The following PRRG3 variants were observed in gnomAD, a reference collection of about 807,000 sequenced individuals.
PRRG3 encodes transmembrane gamma-carboxyglutamic acid protein 3.
Under a neutral mutation model 15.8 loss-of-function variants are expected in PRRG3, and 21 were observed. The observed-to-expected ratio is 1.33, with a 90% CI of 0.94 to 1.92. The LOEUF (loss-of-function observed/expected upper bound fraction) is 1.92. PRRG3 is among the 40% of genes most tolerant of loss of function. PRRG3 has a pLI of 0.00. For synonymous variants in PRRG3, 125 were observed against 84.1 expected (o/e 1.49, Z -2.66); for missense variants, 251 against 200.2 (o/e 1.25, Z -1.53).
intron 2 of PRRG3, 46 bp downstream of exon 2, chrX:151,698,867 G>C (rs200767586): frequency 1.9e-4 from 214 of 1,145,572 alleles, no homozygotes; most frequent in Non-Finnish European, 2.5e-4. Context: ...GCCATGCCTA[G>C]GGGTTCATGA....
At chrX:151,696,726 A>G (rs2014766317) in intron 1 of PRRG3, among the ~76,000 whole-genome samples, 2 of 110,648 alleles carry the variant, frequency 1.8e-5, no homozygotes, top group Non-Finnish European at 3.8e-5. Context: ...GAGGCATACT[A>G]TATCCACACC....
In PRRG3 at chrX:151,705,274, C is replaced by G. The variant is rs923607821; in HGVS notation, c.*4241C>G. 2.9e-6 allele frequency: 1 copy of G among 341,561 alleles called. No homozygotes were observed. Among genetic ancestry groups the G allele is most frequent in the Non-Finnish European group, 5.9e-6 (1 of 169,885 alleles). The allele number at this position is 341,561 out of a possible 1,213,427, so 28.1% of individuals were successfully genotyped here. On this transcript the variant is annotated 3_prime_UTR_variant, in exon 4 of 4. Coordinates refer to ENST00000674457, the MANE Select transcript of PRRG3 (RefSeq NM_001372163.1). ...TTCTAAATATTCTGTAAAGCAGATG[C>G]TTCGCTGTCAGACTGGCCGCTCCAT...
Position 151,700,545 on chromosome X carries a change from G to C in PRRG3, c.208G>C (p.Val70Leu). The C allele has an allele frequency of 1.7e-6, 2 of 1,206,365 alleles. No homozygotes were observed. The highest frequency in any genetic ancestry group is 1.1e-6 in the Non-Finnish European group (1 of 891,861). Residue 70 changes from valine (V) to leucine (L), a missense_variant, in exon 4 of 4, where the codon GTC (valine) becomes CTC (leucine). Transcript: ENST00000674457. ...WKGYPNAVYS[V>L]RDPSQSSDAM... is the part of the protein sequence containing the mutation. ...AGGGTACCCAAATGCAGTCTACTCTGTCCGAGACCCCTCGCAGAGCTCAGA... is the reference window on the plus strand; with the variant it reads ...AGGGTACCCAAATGCAGTCTACTCTCTCCGAGACCCCTCGCAGAGCTCAGA...
At position 151,701,017 on chromosome X, in the gene PRRG3, C is replaced by G. The variant is rs1458417153; in HGVS notation, c.680C>G (p.Pro227Arg). ...PKYEEIVAAN[P>R]GADK ...TACGAGGAGATAGTGGCCGCCAACCCTGGCGCTGACAAGTAGTGGGACGTT... is the reference window on the plus strand; with the variant it reads ...TACGAGGAGATAGTGGCCGCCAACCGTGGCGCTGACAAGTAGTGGGACGTT... The change falls in exon 4 of 4, where the codon CCT (proline) becomes CGT (arginine). Residue 227 changes from proline (P) to arginine (R), a missense_variant. Coordinates refer to ENST00000674457, the MANE Select transcript of PRRG3 (RefSeq NM_001372163.1). 8.7e-7 allele frequency: 1 copy of G among 1,150,197 alleles called. No homozygotes were observed. The highest frequency in any genetic ancestry group is 1.2e-6 in the Non-Finnish European group (1 of 864,915). 94.8% of individuals were successfully genotyped at this position (1,150,197 alleles called of 1,213,427 possible).
chrX:151,700,422 G>A (rs974916306), intron 3 of PRRG3, 84 bp from the exon 4 acceptor site: 8 of 1,122,948 alleles, frequency 7.1e-6, no homozygotes, highest in Non-Finnish European at 9.5e-6. Context: ...AGATGGGGAA[G>A]GGTAGGAAGC....
chrX:151,697,946 C>A (rs1015962369), intron 1 of PRRG3, among the ~76,000 whole-genome samples: 4 of 110,429 alleles, frequency 3.6e-5, no homozygotes, highest in African/African-American at 1.3e-4. Flanking sequence ...TTGTAGTTAG[C>A]GTCTCAGTGT....
chrX:151,700,071 G>A lies in PRRG3; in HGVS notation c.83G>A (p.Arg28His), dbSNP rs756322498. The change falls in exon 3 of 4, where the codon CGC (arginine) becomes CAC (histidine). Residue 28 changes from arginine (R) to histidine (H), a missense_variant. Coordinates refer to ENST00000674457, the MANE Select transcript of PRRG3 (RefSeq NM_001372163.1). ...PRANEFLEEL[R>H]QGTIERECME... The stretch of plus-strand genomic sequence containing the variant: ...GCCAATGAGTTCCTGGAGGAGCTGC[G>A]CCAGGGCACCATCGAGCGAGAGTGC... The A allele has an allele frequency of 3.2e-5, 39 of 1,210,193 alleles. No homozygotes were observed. In the Admixed American group the frequency reaches 3.9e-4, roughly 12 times the overall value.
Position 151,704,771 on chromosome X carries a change from C to T in PRRG3, c.*3738C>T, listed in dbSNP as rs3761539. 27,759 of 107,948 alleles carry T rather than the reference C, an allele frequency of 0.26. 3,040 individuals carry two copies. Among genetic ancestry groups the T allele is most frequent in the South Asian group, 0.57 (1,341 of 2,357 alleles). 8.9% of individuals were successfully genotyped at this position (107,948 alleles called of 1,213,427 possible). A position where few individuals can be genotyped will look rare whatever the true frequency, so the allele number is the denominator to read the frequency against. On this transcript the variant is annotated 3_prime_UTR_variant, in exon 4 of 4. Transcript: ENST00000674457. ...TTCATCGATTCCGAAACAAGCACAGCCCCCCACCCCCCGCCACGGAACTCT... is the reference window on the plus strand; with the variant it reads ...TTCATCGATTCCGAAACAAGCACAGTCCCCCACCCCCCGCCACGGAACTCT...
intron 3 of PRRG3, 128 bp from the exon 4 acceptor site, chrX:151,700,378 C>A (rs1409309380): frequency 3.5e-6 from 4 of 1,134,014 alleles, no homozygotes; most frequent in Non-Finnish European, 4.7e-6. Context: ...TTGGTACATT[C>A]TGCTGCCTCT....
At chrX:151,697,238 C>T (rs767885941) in intron 1 of PRRG3, among the ~76,000 whole-genome samples, 2 of 108,907 alleles carry the variant, frequency 1.8e-5, no homozygotes, top group East Asian at 5.9e-4. Context: ...CAGCTCACTT[C>T]AATCTCCGCC....
At chrX:151,698,581 G>A in intron 1 of PRRG3, 1 of 335,796 alleles carries the variant, frequency 3.0e-6, no homozygotes, top group Middle Eastern at 7.8e-4. Flanking sequence ...CTGGGCCTGG[G>A]GAGGTCTCTG....
Position 151,705,222 on chromosome X carries a change from A to T in PRRG3, c.*4189A>T, listed in dbSNP as rs1014628969. On this transcript the variant is annotated 3_prime_UTR_variant, in exon 4 of 4. Transcript: ENST00000674457. ...AACATAGTTTGTGAACTAGACTGCA[A>T]TTTAAACTAATACACATGATGTATC... The T allele has an allele frequency of 1.8e-5, 6 of 330,832 alleles. No homozygotes were observed. The highest frequency in any genetic ancestry group is 1.8e-5 in the Non-Finnish European group (3 of 163,750). 27.3% of individuals were successfully genotyped at this position (330,832 alleles called of 1,213,427 possible).
At chrX:151,697,114 TCCTCCCTC>T (rs1266192465) in intron 1 of PRRG3, among the ~76,000 whole-genome samples, 1 of 78,182 alleles carries the variant, frequency 1.3e-5, no homozygotes, top group Non-Finnish European at 2.4e-5. Flanking sequence ...CTCCCTTCCT[TCCTCCCTC>T]CCTCCCTCTC....
Position 151,700,035 on chromosome X carries a change from G to T in PRRG3, c.47G>T (p.Arg16Leu), listed in dbSNP as rs1315794530. 3.3e-6 allele frequency: 4 copies of T among 1,210,088 alleles called. No homozygotes were observed. The highest frequency in any genetic ancestry group is 4.5e-6 in the Non-Finnish European group (4 of 895,068). The change falls in exon 3 of 4, where the codon CGA becomes CTA. Residue 16 changes from arginine (R) to leucine (L), a missense_variant. Arg to Leu is a moderately radical substitution (Grantham distance 102). Transcript: ENST00000674457. ...AAGGATGCCCATTCGGTCCTGAAAC[G>T]ATTCCCTCGTGCCAATGAGTTCCTG... ...EAKDAHSVLKRFPRANEFLEE... is the reference protein window; with the variant it reads ...EAKDAHSVLKLFPRANEFLEE...
rs1222822783 is a variant in PRRG3, at chrX:151,700,609, T to C, written c.272T>C (p.Leu91Pro). 1 of 1,209,730 alleles carries C rather than the reference T, an allele frequency of 8.3e-7. No homozygotes were observed. Among genetic ancestry groups the C allele is most frequent in the African/African-American group, 1.8e-5 (1 of 57,035 alleles). ...GTGGTACCCCTTCTGGGGGTGGCACTGCTGATTGTCATCGCCTTGTTCATC... is the reference window on the plus strand; with the variant it reads ...GTGGTACCCCTTCTGGGGGTGGCACCGCTGATTGTCATCGCCTTGTTCATC... ...YVVVPLLGVALLIVIALFIIW... is the reference protein window; with the variant it reads ...YVVVPLLGVAPLIVIALFIIW... The change falls in exon 4 of 4, where the codon CTG becomes CCG. Residue 91 changes from leucine to proline, a missense_variant. Coordinates refer to ENST00000674457, the MANE Select transcript of PRRG3 (RefSeq NM_001372163.1).
At chrX:151,698,944 C>T (rs2014814055) in intron 2 of PRRG3, 123 bp downstream of exon 2, 1 of 606,696 alleles carries the variant, frequency 1.6e-6, no homozygotes, top group Non-Finnish European at 2.6e-6. Flanking sequence ...AGCCATTTTC[C>T]AAATGGCTGA....
Position 151,700,548 on chromosome X carries a change from C to A in PRRG3, c.211C>A (p.Arg71=), listed in dbSNP as rs202204444. The A allele has an allele frequency of 8.3e-7, 1 of 1,204,057 alleles. No individual in the cohort carries two copies. Among genetic ancestry groups the A allele is most frequent in the Non-Finnish European group, 1.1e-6 (1 of 891,320 alleles). The change falls in exon 4 of 4, where the codon CGA becomes AGA. Residue 71 remains arginine (R), a synonymous_variant. Transcript: ENST00000674457. The part of the protein sequence containing the change: ...KGYPNAVYSV[R]DPSQSSDAMY... ...GTACCCAAATGCAGTCTACTCTGTC[C>A]GAGACCCCTCGCAGAGCTCAGATGC... is the stretch of plus-strand genomic sequence containing the variant.
Position 151,701,176 on chromosome X carries a change from A to T in PRRG3, c.*143A>T. ...ATTCCCTAACTGTGGAGTTTTAGGA[A>T]GTCAGTTGTCAGAGACAGGTGGGGA... On this transcript the variant is annotated 3_prime_UTR_variant, in exon 4 of 4. Coordinates refer to ENST00000674457, the MANE Select transcript of PRRG3 (RefSeq NM_001372163.1). 1 of 516,509 alleles carries T rather than the reference A, an allele frequency of 1.9e-6. No individual in the cohort carries two copies. Among genetic ancestry groups the T allele is most frequent in the Non-Finnish European group, 2.8e-6 (1 of 361,062 alleles). 42.6% of individuals were successfully genotyped at this position (516,509 alleles called of 1,213,427 possible).
intron 1 of PRRG3, among the ~76,000 whole-genome samples, chrX:151,697,220 C>G (rs192623395): frequency 9.3e-6 from 1 of 107,479 alleles, no homozygotes; most frequent in East Asian, 3.0e-4. Flanking sequence ...AGTGCAGTGG[C>G]GCAATCTCAG....
Sources: gnomAD v4.1 joint callset for allele counts (sites outside exome capture counted in the v4.1 genomes callset) on GRCh38, gnomAD v4.1.1 for gene constraint, MANE v1.5 for transcripts, NCBI Gene and HGNC (gene_info 2026-07-23, HGNC 2026-07-21) for gene names.